The following CDKAL1 variants were observed in gnomAD, a reference collection of about 807,000 sequenced individuals.
CDKAL1 encodes the protein CDKAL1 threonylcarbamoyladenosine tRNA methylthiotransferase.
In CDKAL1, 32 loss-of-function variants were observed where a neutral mutation model predicts 68.2. The observed-to-expected ratio is 0.47, with a 90% CI of 0.35 to 0.63. CDKAL1 has a LOEUF of 0.63. Among genes scored for constraint, CDKAL1 ranks in the 30% least tolerant of loss-of-function variants. The pLI is 0.00. For synonymous variants in CDKAL1, 234 were observed against 244.3 expected (o/e 0.96, Z 0.39); for missense variants, 606 against 696.7 (o/e 0.87, Z 1.47).
rs1767879562 is a variant in CDKAL1 at position 20,635,788 on chromosome 6, GAC to G, written c.287-13503_287-13502del. 3.3e-5 allele frequency among the ~76,000 whole-genome samples: 5 copies of G among 152,306 alleles called. No individual in the cohort carries two copies. The South Asian group carries it at 8.3e-4, about 25-fold the overall frequency. ...TGAGTCTGAAAATCAAATTGCCAAA[GAC>G]AGATTAACAGAAGAAAAACATTCAA... is the stretch of plus-strand genomic sequence containing the variant. On this transcript the variant is annotated intron_variant, in intron 4 of 15. Coordinates refer to ENST00000274695, the MANE Select transcript of CDKAL1 (RefSeq NM_017774.3).
intron 13 of CDKAL1, among the ~76,000 whole-genome samples, chr6:21,115,932 G>T (rs537549963): frequency 6.6e-6 from 1 of 151,936 alleles, no homozygotes; most frequent in Non-Finnish European, 1.5e-5. Context: ...AGACATAGCT[G>T]AGCTGTTTCC....
chr6:20,963,302 C>T (rs1299243066), intron 10 of CDKAL1, among the ~76,000 whole-genome samples: 1 of 149,490 alleles, frequency 6.7e-6, no homozygotes, highest in Non-Finnish European at 1.5e-5. Context: ...TAGTTAGGCC[C>T]TTCCACTAAA....
chr6:20,730,539 G>A (rs1202242130), intron 5 of CDKAL1, among the ~76,000 whole-genome samples: 1 of 151,848 alleles, frequency 6.6e-6, no homozygotes, highest in Non-Finnish European at 1.5e-5. Context: ...AGGAACAGGT[G>A]AGAAGTACTG....
intron 13 of CDKAL1, among the ~76,000 whole-genome samples, chr6:21,180,088 C>T (rs557850786): frequency 1.8e-4 from 27 of 152,252 alleles, no homozygotes; most frequent in Admixed American, 3.9e-4. Context: ...CCACCTCAAC[C>T]CAAAGGGCAT....
intron 12 of CDKAL1, among the ~76,000 whole-genome samples, chr6:21,077,690 A>T (rs1036562817): frequency 6.6e-6 from 1 of 152,188 alleles, no homozygotes; most frequent in Non-Finnish European, 1.5e-5. Flanking sequence ...GAGAACAGCA[A>T]GGGGGAAGTC....
chr6:21,045,219 G>T (rs905686343), intron 11 of CDKAL1, among the ~76,000 whole-genome samples: 7 of 152,190 alleles, frequency 4.6e-5, no homozygotes, highest in African/African-American at 1.7e-4. Context: ...TAGCTAGATC[G>T]GAATGATATA....
intron 9 of CDKAL1, among the ~76,000 whole-genome samples, chr6:20,914,714 C>A (rs887430672): frequency 6.6e-6 from 1 of 152,162 alleles, no homozygotes; most frequent in Non-Finnish European, 1.5e-5. Context: ...AAAATTTTTG[C>A]TTCTACCGCA....
chr6:21,078,206 G>A (rs962220728), intron 12 of CDKAL1, among the ~76,000 whole-genome samples: 2 of 152,080 alleles, frequency 1.3e-5, no homozygotes, highest in Non-Finnish European at 2.9e-5. Flanking sequence ...GTACACTATG[G>A]AATATTTTGA....
At chr6:20,665,569 A>G (rs922518678) in intron 5 of CDKAL1, among the ~76,000 whole-genome samples, 6 of 152,242 alleles carry the variant, frequency 3.9e-5, no homozygotes, top group Non-Finnish European at 8.8e-5. Flanking sequence ...TTAATGACAC[A>G]AAGTATGTTC....
Position 20,634,806 on chromosome 6 carries a change from C to T in CDKAL1, c.287-14487C>T, listed in dbSNP as rs147594580. ...CAGCCTGACCAACATGGTGAAACCC[C>T]GTCTCTACTAAAAATACAAAATTAG... is the stretch of plus-strand genomic sequence containing the variant. On this transcript the variant is annotated intron_variant, in intron 4 of 15. Coordinates refer to ENST00000274695, the MANE Select transcript of CDKAL1 (RefSeq NM_017774.3). Among the ~76,000 whole-genome samples, 1,072 of 151,486 alleles carry T rather than the reference C, an allele frequency of 7.1e-3. 19 individuals are homozygous for T. Among genetic ancestry groups the T allele is most frequent in the African/African-American group, 0.024 (1,005 of 41,304 alleles).
In CDKAL1 at chr6:20,638,922, G is replaced by A. The variant is rs138319034; in HGVS notation, c.287-10371G>A. Among the ~76,000 whole-genome samples, 258 of 152,118 alleles carry A rather than the reference G, an allele frequency of 1.7e-3. 1 individual carries two copies. Among genetic ancestry groups the A allele is most frequent in the African/African-American group, 5.9e-3 (245 of 41,494 alleles). ...GCTAGGATTATAGGCATGAACCACC[G>A]CGCCCGGCCTAGGGATTCTCTAGAT... On this transcript the variant is annotated intron_variant, in intron 4 of 15. Transcript: ENST00000274695.
At chr6:21,179,586 T>C (rs1777714463) in intron 13 of CDKAL1, among the ~76,000 whole-genome samples, 1 of 152,214 alleles carries the variant, frequency 6.6e-6, no homozygotes, top group South Asian at 2.1e-4. Context: ...CATTATATAT[T>C]TGTACAAAAA....
chr6:20,609,714 T>G (rs1311429322), intron 4 of CDKAL1, among the ~76,000 whole-genome samples: 1 of 151,962 alleles, frequency 6.6e-6, no homozygotes, highest in Non-Finnish European at 1.5e-5. Context: ...CATATTCTGC[T>G]AAATGAAGCA....
At chr6:21,143,546 T>C (rs1229125510) in intron 13 of CDKAL1, among the ~76,000 whole-genome samples, 1 of 152,190 alleles carries the variant, frequency 6.6e-6, no homozygotes, top group Non-Finnish European at 1.5e-5. Flanking sequence ...TAGAAATTGA[T>C]ATTTTATTTT....
intron 13 of CDKAL1, among the ~76,000 whole-genome samples, chr6:21,171,128 A>C (rs11969929): frequency 6.6e-6 from 1 of 152,302 alleles, no homozygotes; most frequent in South Asian, 2.1e-4. Context: ...CACAGGTTTC[A>C]CCATTATGAT....
At chr6:20,985,925 AT>A (rs1371907275) in intron 10 of CDKAL1, among the ~76,000 whole-genome samples, 3 of 152,076 alleles carry the variant, frequency 2.0e-5, no homozygotes, top group Non-Finnish European at 4.4e-5. Flanking sequence ...TGCTTTTCAA[AT>A]GAAGAAATTT....
chr6:20,868,788 T>C (rs1581731028), intron 9 of CDKAL1, among the ~76,000 whole-genome samples: 2 of 152,332 alleles, frequency 1.3e-5, no homozygotes, highest in Admixed American at 1.3e-4. Flanking sequence ...TTTATCAGCA[T>C]GGGCCGTGTG....
intron 8 of CDKAL1, among the ~76,000 whole-genome samples, chr6:20,786,158 GAT>G (rs2150383140): frequency 6.6e-6 from 1 of 152,248 alleles, no homozygotes; most frequent in East Asian, 1.9e-4. Context: ...CCAGGGAGTG[GAT>G]GTTGCAGTGA....
intron 9 of CDKAL1, among the ~76,000 whole-genome samples, chr6:20,941,244 A>G (rs1429918926): frequency 1.3e-5 from 2 of 152,120 alleles, no homozygotes; most frequent in Non-Finnish European, 2.9e-5. Context: ...GTTTTCTTCA[A>G]TCATTTCTTA....
Sources: allele counts gnomAD v4.1 joint callset (sites outside exome capture counted in the v4.1 genomes callset), GRCh38; gene constraint gnomAD v4.1.1; transcripts MANE v1.5; gene names NCBI Gene and HGNC (gene_info 2026-07-23, HGNC 2026-07-21).